Variants in GDPD1 observed in about 807,000 individuals in gnomAD.
The protein encoded by GDPD1 is glycerophosphodiester phosphodiesterase domain containing 1, also known as lysophospholipase D GDPD1.
A neutral mutation model predicts 45.1 loss-of-function variants in GDPD1; 28 were observed. The ratio of observed to expected loss-of-function variants is 0.62; its 90% CI spans 0.46 to 0.85. The LOEUF is 0.85. Ranked by LOEUF, GDPD1 falls within the 40% of genes least tolerant of loss-of-function variation. The probability of loss-of-function intolerance (pLI) is 0.00; values close to 1 mark genes in which losing one functional copy is unlikely to be tolerated. For synonymous variants in GDPD1, 139 were observed against 131.4 expected (o/e 1.06, Z -0.40); for missense variants, 256 against 364.8 (o/e 0.70, Z 2.43).
At position 59,248,792 on chromosome 17, in the gene GDPD1, T is replaced by A. The variant is rs1475419432; in HGVS notation, c.367+7T>A. On this transcript the variant is annotated splice_region_variant and intron_variant, in intron 4 of 9. Coordinates refer to ENST00000284116, the MANE Select transcript of GDPD1 (RefSeq NM_182569.4). ...GATGTCTCATTTCAAAGAGGTAATA[T>A]TTTTTGTTTGTGGCTTAAACATTTG... The A allele has an allele frequency of 6.3e-7, 1 of 1,592,460 alleles. No individual in the cohort carries two copies. Among genetic ancestry groups the A allele is most frequent in the Non-Finnish European group, 8.6e-7 (1 of 1,165,454 alleles).
intron 4 of GDPD1, among the ~76,000 whole-genome samples, chr17:59,250,281 T>C (rs2047242875): frequency 6.6e-6 from 1 of 152,144 alleles, no homozygotes; most frequent in African/African-American, 2.4e-5. Flanking sequence ...ATGAAGTTTT[T>C]CCTATTTTTC....
chr17:59,248,628 T>C (rs2047230601), intron 3 of GDPD1, 112 bp from the exon 4 acceptor site: 1 of 709,224 alleles, frequency 1.4e-6, no homozygotes, highest in Non-Finnish European at 2.4e-6. Flanking sequence ...CCTAGTAAAG[T>C]GTTTTAGTCT....
chr17:59,268,440 G>A (rs1206975542), intron 7 of GDPD1, among the ~76,000 whole-genome samples: 4 of 151,718 alleles, frequency 2.6e-5, no homozygotes, highest in Admixed American at 6.6e-5. Context: ...TTCTCCGGGC[G>A]TGGTGGCGGG....
chr17:59,274,225 G>C lies in GDPD1; in HGVS notation c.*452G>C, dbSNP rs1392128402. The C allele has an allele frequency of 1.8e-5, 17 of 949,648 alleles. No homozygotes were observed. Among genetic ancestry groups the C allele is most frequent in the Admixed American group, 6.2e-5 (1 of 16,072 alleles). The allele number at this position is 949,648 out of a possible 1,614,324, so 58.8% of individuals were successfully genotyped here. On this transcript the variant is annotated 3_prime_UTR_variant, in exon 10 of 10. Transcript: ENST00000284116. The stretch of plus-strand genomic sequence containing the variant: ...AATCAAAGACTATTGGATACATTTG[G>C]CATTGGGCTGAGTGTGGTGGCTCAT...
At chr17:59,255,294 T>C (rs999700928) in intron 4 of GDPD1, among the ~76,000 whole-genome samples, 3 of 151,652 alleles carry the variant, frequency 2.0e-5, no homozygotes, top group African/African-American at 7.3e-5. Context: ...ATGATTAGAG[T>C]AATTAGAGTC....
In GDPD1 at chr17:59,274,024, T is replaced by C; in HGVS notation, c.*251T>C. 3 of 727,366 alleles carry C rather than the reference T, an allele frequency of 4.1e-6. No homozygotes were observed. Among genetic ancestry groups the C allele is most frequent in the Non-Finnish European group, 5.1e-6 (3 of 593,502 alleles). 45.1% of individuals were successfully genotyped at this position (727,366 alleles called of 1,614,324 possible). A position where few individuals can be genotyped will look rare whatever the true frequency, so the allele number is the denominator to read the frequency against. ...TTATGAGATGTAAGTTTTAATTTCTTAATGTGCATTTTTGTTTCTAGATCT... is the reference window on the plus strand; with the variant it reads ...TTATGAGATGTAAGTTTTAATTTCTCAATGTGCATTTTTGTTTCTAGATCT... On this transcript the variant is annotated 3_prime_UTR_variant, in exon 10 of 10. Transcript: ENST00000284116.
chr17:59,223,479 A>G (rs1294525018), intron 1 of GDPD1, among the ~76,000 whole-genome samples: 1 of 152,210 alleles, frequency 6.6e-6, no homozygotes, highest in African/African-American at 2.4e-5. Context: ...ATAAGAGACA[A>G]TGTAACTAGG....
At chr17:59,235,535 G>C (rs2047124863) in intron 2 of GDPD1, among the ~76,000 whole-genome samples, 1 of 152,106 alleles carries the variant, frequency 6.6e-6, no homozygotes, top group Admixed American at 6.5e-5. Context: ...ATTTTGGCCA[G>C]GCATGGTGGC....
intron 2 of GDPD1, among the ~76,000 whole-genome samples, chr17:59,241,514 T>G (rs2047175405): frequency 6.6e-6 from 1 of 152,068 alleles, no homozygotes; most frequent in South Asian, 2.1e-4. Context: ...AAACGGGGTT[T>G]CATCATGTTA....
chr17:59,235,710 G>A (rs1468096593), intron 2 of GDPD1, among the ~76,000 whole-genome samples: 5 of 151,898 alleles, frequency 3.3e-5, no homozygotes, highest in Non-Finnish European at 5.9e-5. Context: ...CCAGCTACTC[G>A]GGAGTCTGGG....
chr17:59,230,796 T>C (rs1231455492), intron 1 of GDPD1, among the ~76,000 whole-genome samples: 1 of 152,206 alleles, frequency 6.6e-6, no homozygotes, highest in Non-Finnish European at 1.5e-5. Context: ...GCCAGGGTCA[T>C]TGCTGTTGAA....
intron 6 of GDPD1, among the ~76,000 whole-genome samples, chr17:59,258,930 T>C (rs1053578368): frequency 7.9e-5 from 12 of 151,884 alleles, no homozygotes; most frequent in Middle Eastern, 3.2e-3. Context: ...GAGACCAGCC[T>C]GGACAACATA....
chr17:59,267,236 C>A, intron 7 of GDPD1, 62 bp downstream of exon 7: 1 of 1,422,300 alleles, frequency 7.0e-7, no homozygotes, highest in Non-Finnish European at 9.8e-7. Flanking sequence ...AAGATAAAAG[C>A]TCACTAATAT....
intron 4 of GDPD1, among the ~76,000 whole-genome samples, chr17:59,252,377 T>G (rs1261674890): frequency 2.0e-5 from 3 of 151,622 alleles, no homozygotes; most frequent in Non-Finnish European, 2.9e-5. Context: ...TAGCTGGGAT[T>G]ACAGGTGCCC....
chr17:59,262,620 C>G (rs12941015), intron 6 of GDPD1, among the ~76,000 whole-genome samples: 15,230 of 146,776 alleles, frequency 0.1, 1,022 homozygotes, highest in South Asian at 0.27. Context: ...GGCTTTGTAT[C>G]TTGGTTTTGT....
intron 2 of GDPD1, among the ~76,000 whole-genome samples, chr17:59,237,214 C>G (rs988792269): frequency 1.3e-5 from 2 of 151,982 alleles, no homozygotes; most frequent in Non-Finnish European, 2.9e-5. Flanking sequence ...GCCTGGGCAG[C>G]AGGGTGAAAC....
chr17:59,257,145 A>C lies in GDPD1; in HGVS notation c.391A>C (p.Asn131His), dbSNP rs2047315347. 6.3e-7 allele frequency: 1 copy of C among 1,597,332 alleles called. No homozygotes were observed. Among genetic ancestry groups the C allele is most frequent in the East Asian group, 2.3e-5 (1 of 44,244 alleles). Reference sequence around the variant, plus strand: ...AGCATGCCAGTGTGAAGGAAAAGATAACCGAATTCCATTACTGAAGGAAGT... The same window carrying C: ...AGCATGCCAGTGTGAAGGAAAAGATCACCGAATTCCATTACTGAAGGAAGT... ...QRACQCEGKD[N>H]RIPLLKEVFE... The change falls in exon 5 of 10, where the codon AAC (asparagine) becomes CAC (histidine). Residue 131 changes from asparagine (N) to histidine (H), a missense_variant. Asn to His is a moderately conservative substitution (Grantham distance 68). Transcript: ENST00000284116.
At chr17:59,270,755 G>C (rs934252770) in intron 7 of GDPD1, among the ~76,000 whole-genome samples, 181 bp from the exon 8 acceptor site, 6 of 152,000 alleles carry the variant, frequency 3.9e-5, no homozygotes, top group African/African-American at 7.2e-5. Context: ...CAAAAAGTTA[G>C]CTTGAGACCA....
intron 6 of GDPD1, among the ~76,000 whole-genome samples, chr17:59,266,824 A>G (rs1327069178): frequency 6.6e-6 from 1 of 152,206 alleles, no homozygotes; most frequent in Non-Finnish European, 1.5e-5. Context: ...TTTTAGTAAC[A>G]TCATTATACT....
Sources: allele counts gnomAD v4.1 joint callset (sites outside exome capture counted in the v4.1 genomes callset), GRCh38; gene constraint gnomAD v4.1.1; transcripts MANE v1.5; gene names NCBI Gene and HGNC (gene_info 2026-07-23, HGNC 2026-07-21).